The following ERBB2 variants were observed in gnomAD, a reference collection of about 807,000 sequenced individuals.
ERBB2 encodes the protein receptor tyrosine-protein kinase erbB-2.
In ERBB2, 61 loss-of-function variants were observed where a neutral mutation model predicts 149.0. The ratio of observed to expected loss-of-function variants is 0.41; its 90% CI spans 0.33 to 0.51. The LOEUF is 0.51. Among genes scored for constraint, ERBB2 ranks in the 20% least tolerant of loss-of-function variants. ERBB2 has a pLI of 0.25. For missense variants in ERBB2, 1,205 were observed against 1,655.1 expected (o/e 0.73, Z 4.72); for synonymous variants, 633 against 678.8 (o/e 0.93, Z 1.05).
At chr17:39,716,001 G>C in intron 12 of ERBB2, 62 bp downstream of exon 12, 1 of 1,514,886 alleles carries the variant, frequency 6.6e-7, no homozygotes, top group Non-Finnish European at 9.0e-7. Flanking sequence ...TGCCCAGGGG[G>C]CCCTGGCAGC....
In ERBB2 at chr17:39,707,118, A is replaced by T. The variant is rs2145410338; in HGVS notation, c.202A>T (p.Asn68Tyr). The change falls in exon 2 of 27, where the codon AAT becomes TAT. Residue 68 changes from asparagine to tyrosine, a missense_variant. This residue lies in a region of ERBB2 where 101 missense variants were observed against 95.1 expected (regional missense o/e 1.06). Transcript: ENST00000269571. ...CCTGGAACTCACCTACCTGCCCACC[A>T]ATGCCAGCCTGTCCTTCCTGCAGGT... ...GNLELTYLPT[N>Y]ASLSFLQDIQ... 2 of 1,593,572 alleles carry T rather than the reference A, an allele frequency of 1.3e-6. No individual in the cohort carries two copies. The highest frequency in any genetic ancestry group is 1.7e-6 in the Non-Finnish European group (2 of 1,169,734).
rs4252618 is a variant in ERBB2, at chr17:39,710,271, T to A, written c.760-69T>A. The stretch of plus-strand genomic sequence containing the variant: ...TGCAAGGGGTGGGCACCCTGCCTGG[T>A]ACTGCCCTATTGCCCCTGGCACACC... On this transcript the variant is annotated intron_variant, in intron 6 of 26. Transcript: ENST00000269571. 1.3e-3 allele frequency: 2,133 copies of A among 1,611,312 alleles called. 3 individuals carry two copies. The highest frequency in any genetic ancestry group is 1.8e-3 in the Admixed American group (109 of 59,998).
chr17:39,714,406 C>G (rs775690775), intron 9 of ERBB2, among the ~76,000 whole-genome samples: 5 of 152,240 alleles, frequency 3.3e-5, no homozygotes, highest in Non-Finnish European at 5.9e-5. Context: ...GGCTCTACCA[C>G]TTACTAGGCA....
rs2145867116 is a variant in ERBB2, at chr17:39,725,172, G to C, written c.2617G>C (p.Asp873His). Reference sequence around the variant, plus strand: ...CGGGCTGGCTCGGCTGCTGGACATTGACGAGACAGAGTACCATGCAGATGG... The same window carrying C: ...CGGGCTGGCTCGGCTGCTGGACATTCACGAGACAGAGTACCATGCAGATGG... Reference protein sequence around the residue: ...DFGLARLLDIDETEYHADGGK... With the variant: ...DFGLARLLDIHETEYHADGGK... Residue 873 changes from aspartate to histidine, a missense_variant, in exon 21 of 27, where the codon GAC becomes CAC. This residue lies in a region of ERBB2 where 152 missense variants were observed against 318.1 expected (regional missense o/e 0.48). Transcript: ENST00000269571. The surrounding 1 kb of genome is among the most constrained non-coding windows in gnomAD (Gnocchi z 4.6). 6.2e-7 allele frequency: 1 copy of C among 1,614,124 alleles called. No individual in the cohort carries two copies. Among genetic ancestry groups the C allele is most frequent in the Non-Finnish European group, 8.5e-7 (1 of 1,180,028 alleles).
chr17:39,725,269 C>CT lies in ERBB2; in HGVS notation c.2650-57dup, dbSNP rs1424894771. On this transcript the variant is annotated intron_variant, in intron 21 of 26. Coordinates refer to ENST00000269571, the MANE Select transcript of ERBB2 (RefSeq NM_004448.4). The surrounding 1 kb of genome is among the most constrained non-coding windows in gnomAD (Gnocchi z 4.6). ...GTGGTGTCTAGCCCATGGGAGAACT[C>CT]TGAGTGGCCACCTCCCCACAACACA... is the stretch of plus-strand genomic sequence containing the variant. 21 of 1,613,124 alleles carry CT rather than the reference C, an allele frequency of 1.3e-5. No individual in the cohort carries two copies. The highest frequency in any genetic ancestry group is 8.3e-5 in the Admixed American group (5 of 59,978).
At chr17:39,717,562 A>T (rs1021690061) in intron 15 of ERBB2, 82 bp downstream of exon 15, 2 of 1,147,798 alleles carry the variant, frequency 1.7e-6, no homozygotes, top group Non-Finnish European at 2.4e-6. Context: ...AAAGGGGACC[A>T]ACTCTCCCTT....
rs2059128443 is a variant in ERBB2 at position 39,716,405 on chromosome 17, T to C, written c.1618T>C (p.Cys540Arg). Residue 540 changes from cysteine (C) to arginine (R), a missense_variant, in exon 13 of 27, where the codon TGC (cysteine) becomes CGC (arginine). Physicochemically the swap from Cys to Arg is radical, Grantham distance 180 (BLOSUM62 -3). This residue lies in a region of ERBB2 where 569 missense variants were observed against 803.5 expected (regional missense o/e 0.71). Transcript: ENST00000269571. ...CAGCCAGTTCCTTCGGGGCCAGGAG[T>C]GCGTGGAGGAATGCCGAGTACTGCA... The part of the protein sequence containing the change: ...NCSQFLRGQE[C>R]VEECRVLQGL... 1.2e-6 allele frequency: 2 copies of C among 1,607,972 alleles called. No individual in the cohort carries two copies. The highest frequency in any genetic ancestry group is 1.7e-6 in the Non-Finnish European group (2 of 1,175,668).
In ERBB2 at chr17:39,723,291, A is replaced by C. The variant is rs1180864537; in HGVS notation, c.1947-28A>C. The C allele has an allele frequency of 6.2e-7, 1 of 1,609,572 alleles. No individual in the cohort carries two copies. The highest frequency in any genetic ancestry group is 1.1e-5 in the South Asian group (1 of 90,914). ...TCCCTCCCACCCCAAACTAGCCCTC[A>C]ATCCCTGACCCTGGCTTCCGCCCCC... On this transcript the variant is annotated intron_variant, in intron 16 of 26. Transcript: ENST00000269571. The surrounding 1 kb of genome is among the most constrained non-coding windows in gnomAD (Gnocchi z 6.2).
chr17:39,715,121 C>G (rs4252631), intron 9 of ERBB2, among the ~76,000 whole-genome samples, 165 bp from the exon 10 acceptor site: 17 of 152,130 alleles, frequency 1.1e-4, no homozygotes, highest in Non-Finnish European at 1.9e-4. Context: ...TAGATGTTGC[C>G]GAACTAAGGC....
intron 20 of ERBB2, 59 bp downstream of exon 20, chr17:39,724,970 C>T (rs2145857711): frequency 6.2e-7 from 1 of 1,606,222 alleles, no homozygotes; most frequent in Non-Finnish European, 8.5e-7. Flanking sequence ...CCACAAGGGG[C>T]TAGGATGGGG....
rs770509514 is a variant in ERBB2 at position 39,709,777 on chromosome 17, A to G, written c.575-36A>G. The stretch of plus-strand genomic sequence containing the variant: ...CTAACCCGTCCTCTCGCTGTTAGAC[A>G]TCTCTCTCACTGCCTGTCTCTGGTT... On this transcript the variant is annotated intron_variant, in intron 4 of 26. Coordinates refer to ENST00000269571, the MANE Select transcript of ERBB2 (RefSeq NM_004448.4). The G allele has an allele frequency of 6.9e-6, 11 of 1,589,514 alleles. No homozygotes were observed. In the African/African-American group the frequency reaches 1.1e-4, roughly 16 times the overall value.
chr17:39,727,148 A>T lies in ERBB2; in HGVS notation c.3159+145A>T. 2 of 1,219,764 alleles carry T rather than the reference A, an allele frequency of 1.6e-6. No individual in the cohort carries two copies. The highest frequency in any genetic ancestry group is 2.8e-5 in the South Asian group (2 of 71,932). 75.6% of individuals were successfully genotyped at this position (1,219,764 alleles called of 1,614,324 possible). On this transcript the variant is annotated intron_variant, in intron 25 of 26. Coordinates refer to ENST00000269571, the MANE Select transcript of ERBB2 (RefSeq NM_004448.4). The surrounding 1 kb of genome is among the most constrained non-coding windows in gnomAD (Gnocchi z 4.3). ...TACAAAAAATTCTTACTGCCTTCCA[A>T]CCCCTGTGACCCCATTCTCTCCACG...
At position 39,708,474 on chromosome 17, in the gene ERBB2, A is replaced by G. The variant is rs970583285; in HGVS notation, c.379A>G (p.Thr127Ala). ...LDNGDPLNNT[T>A]PVTGASPGGL... ...CAATGGAGACCCGCTGAACAATACCACCCCTGTCACAGGGGCCTCCCCAGG... is the reference window on the plus strand; with the variant it reads ...CAATGGAGACCCGCTGAACAATACCGCCCCTGTCACAGGGGCCTCCCCAGG... Residue 127 changes from threonine (T) to alanine (A), a missense_variant, in exon 3 of 27, where the codon ACC (threonine) becomes GCC (alanine). Around this residue, in one of 6 missense-constraint regions of ERBB2, gnomAD observed 569 missense variants for 803.5 expected, o/e 0.71. Transcript: ENST00000269571. The G allele has an allele frequency of 6.2e-7, 1 of 1,613,668 alleles. No homozygotes were observed. The highest frequency in any genetic ancestry group is 8.5e-7 in the Non-Finnish European group (1 of 1,179,900).
chr17:39,712,525 T>C (rs2058870167), intron 9 of ERBB2, 77 bp downstream of exon 9: 2 of 1,536,650 alleles, frequency 1.3e-6, no homozygotes, highest in Non-Finnish European at 1.8e-6. Context: ...CAGCATCTCT[T>C]GGGGATGGCA....
At chr17:39,709,033 A>G (rs1328671165) in intron 3 of ERBB2, among the ~76,000 whole-genome samples, 1 of 152,166 alleles carries the variant, frequency 6.6e-6, no homozygotes, top group African/African-American at 2.4e-5. Context: ...TTAACCACCA[A>G]GCAGCATGCC....
chr17:39,688,155 TG>T, exon 1 of ERBB2: 1 of 808,182 alleles, frequency 1.2e-6, no homozygotes, highest in Non-Finnish European at 1.7e-6. Flanking sequence ...CGGATTTTTG[TG>T]GGCGCCTGCC....
chr17:39,689,953 A>G (rs767382318), upstream of ERBB2, among the ~76,000 whole-genome samples: 6 of 151,976 alleles, frequency 3.9e-5, no homozygotes, highest in Non-Finnish European at 8.8e-5. Context: ...GCCTCATCCT[A>G]TATTATGTCA....
chr17:39,691,957 A>ATATCTCTC (rs964668266), upstream of ERBB2, among the ~76,000 whole-genome samples: 3 of 145,366 alleles, frequency 2.1e-5, no homozygotes, highest in African/African-American at 7.7e-5. Context: ...ATATATATAT[A>ATATCTCTC]TCTCTTGTGT....
rs2059887095 is a variant in ERBB2, at chr17:39,728,222, G to T, written c.*178G>T. 3.6e-6 allele frequency: 2 copies of T among 554,700 alleles called. No homozygotes were observed. Among genetic ancestry groups the T allele is most frequent in the Non-Finnish European group, 6.4e-6 (2 of 312,690 alleles). 34.4% of individuals were successfully genotyped at this position (554,700 alleles called of 1,614,324 possible). A position where few individuals can be genotyped will look rare whatever the true frequency, so the allele number is the denominator to read the frequency against. ...CTTGAGTTCCCAGATGGCTGGAAGG[G>T]GTCCAGCCTCGTTGGAAGAGGAACA... On this transcript the variant is annotated 3_prime_UTR_variant, in exon 27 of 27. Transcript: ENST00000269571.
Sources: allele counts gnomAD v4.1 joint callset (sites outside exome capture counted in the v4.1 genomes callset), GRCh38; gene constraint gnomAD v4.1.1; regional missense constraint gnomAD v4.1.1; non-coding constraint Gnocchi (gnomAD v3.1); transcripts MANE v1.5; gene names NCBI Gene and HGNC (gene_info 2026-07-23, HGNC 2026-07-21).